The following KCNIP4 variants were observed in gnomAD, a reference collection of about 807,000 sequenced individuals.
KCNIP4 encodes potassium voltage-gated channel interacting protein 4.
Under a neutral mutation model 34.0 loss-of-function variants are expected in KCNIP4, and 12 were observed. The ratio of observed to expected loss-of-function variants is 0.35; its 90% CI spans 0.23 to 0.57. The LOEUF (loss-of-function observed/expected upper bound fraction) is 0.57, where lower values mean the gene tolerates loss of function less well. KCNIP4 is among the 20% of genes least tolerant of loss of function. The probability of loss-of-function intolerance (pLI) is 0.83; values close to 1 mark genes in which losing one functional copy is unlikely to be tolerated. For missense variants in KCNIP4, 238 were observed against 311.7 expected (o/e 0.76, Z 1.78); for synonymous variants, 124 against 102.2 (o/e 1.21, Z -1.29).
intron 1 of KCNIP4, among the ~76,000 whole-genome samples, chr4:21,124,113 T>A (rs1577733532): frequency 6.6e-6 from 1 of 152,248 alleles, no homozygotes; most frequent in Non-Finnish European, 1.5e-5. Flanking sequence ...TTTACATTTT[T>A]AAAAATATAT....
intron 1 of KCNIP4, among the ~76,000 whole-genome samples, chr4:21,229,909 A>C (rs1758673013): frequency 6.6e-6 from 1 of 152,100 alleles, no homozygotes; most frequent in African/African-American, 2.4e-5. Context: ...CATTTAACCA[A>C]CCAGAATTTC....
At chr4:21,590,190 G>A (rs1397521686) in intron 1 of KCNIP4, among the ~76,000 whole-genome samples, 1 of 151,984 alleles carries the variant, frequency 6.6e-6, no homozygotes, top group Non-Finnish European at 1.5e-5. Flanking sequence ...TGAATAGCTA[G>A]GCAGCTGGTG....
intron 1 of KCNIP4, among the ~76,000 whole-genome samples, chr4:21,841,673 G>C (rs1195693604): frequency 2.0e-5 from 3 of 151,984 alleles, no homozygotes; most frequent in Non-Finnish European, 4.4e-5. Flanking sequence ...AAATCTATAG[G>C]TCAAAATCTA....
At chr4:20,737,951 G>A (rs1750057315) in intron 5 of KCNIP4, among the ~76,000 whole-genome samples, 3 of 152,102 alleles carry the variant, frequency 2.0e-5, no homozygotes, top group African/African-American at 7.2e-5. Flanking sequence ...GAGCAACGCA[G>A]CCAGATCCAA....
rs59614946 is a variant in KCNIP4 at position 21,153,515 on chromosome 4, G to GTATATATA, written c.62-270814_62-270807dup. 1.4e-3 allele frequency among the ~76,000 whole-genome samples: 200 copies of GTATATATA among 140,892 alleles called. 1 individual carries two copies. In the East Asian group the frequency reaches 0.015, roughly 11 times the overall value. The allele number at this position is 140,892 out of a possible 152,430, so 92.4% of individuals were successfully genotyped here. A position where few individuals can be genotyped will look rare whatever the true frequency, so the allele number is the denominator to read the frequency against. On this transcript the variant is annotated intron_variant, in intron 1 of 8. Transcript: ENST00000382152. ...TATATTTATATATATATGTGTGTGT[G>GTATATATA]TATATATATATATATATATATATAT... is the stretch of plus-strand genomic sequence containing the variant.
chr4:21,346,392 A>G (rs1178142069), intron 1 of KCNIP4, among the ~76,000 whole-genome samples: 1 of 146,140 alleles, frequency 6.8e-6, no homozygotes. Context: ...TTTAAAATTA[A>G]CCTGGTACTC....
intron 3 of KCNIP4, among the ~76,000 whole-genome samples, chr4:20,837,282 T>C (rs1560502770): frequency 1.3e-5 from 2 of 152,176 alleles, no homozygotes; most frequent in Non-Finnish European, 2.9e-5. Context: ...TCAACACAGA[T>C]TTAAGAGGAC....
chr4:20,958,155 G>A lies in KCNIP4; in HGVS notation c.62-75446C>T, dbSNP rs149582507. On this transcript the variant is annotated intron_variant, in intron 1 of 8. Coordinates refer to ENST00000382152, the MANE Select transcript of KCNIP4 (RefSeq NM_025221.6). ...GCATTCATAGGAAAGTTTCTTATAG[G>A]AAGTGTTATAGAAAGGACTCCTGTG... 7.2e-4 allele frequency among the ~76,000 whole-genome samples: 110 copies of A among 152,284 alleles called. 2 individuals are homozygous for A. The highest frequency in any genetic ancestry group is 2.5e-3 in the African/African-American group (105 of 41,568).
chr4:21,121,579 T>G (rs79951135), intron 1 of KCNIP4, among the ~76,000 whole-genome samples: 2,424 of 152,338 alleles, frequency 0.016, 61 homozygotes, highest in African/African-American at 0.055. Flanking sequence ...AGAACATGTT[T>G]TATTAAAATA....
chr4:21,766,040 C>T (rs1468580609), intron 1 of KCNIP4, among the ~76,000 whole-genome samples: 1 of 152,036 alleles, frequency 6.6e-6, no homozygotes, highest in Non-Finnish European at 1.5e-5. Flanking sequence ...TTTCTCTTCC[C>T]TTGGCTTTTA....
At chr4:20,958,380 A>G (rs1337168591) in intron 1 of KCNIP4, among the ~76,000 whole-genome samples, 1 of 152,206 alleles carries the variant, frequency 6.6e-6, no homozygotes, top group African/African-American at 2.4e-5. Flanking sequence ...CTTCGACCAA[A>G]GTCAAAGGGC....
intron 3 of KCNIP4, among the ~76,000 whole-genome samples, chr4:20,788,287 G>A (rs558801091): frequency 6.6e-6 from 1 of 152,236 alleles, no homozygotes; most frequent in South Asian, 2.1e-4. Flanking sequence ...CAATGAAAAG[G>A]TTATGTTAAA....
At chr4:21,759,313 T>C (rs138487749) in intron 1 of KCNIP4, among the ~76,000 whole-genome samples, 129 of 152,332 alleles carry the variant, frequency 8.5e-4, no homozygotes, top group Non-Finnish European at 1.5e-3. Context: ...ATTTATGCAT[T>C]TCTTAAAATT....
intron 1 of KCNIP4, among the ~76,000 whole-genome samples, chr4:21,248,533 T>C (rs1052627556): frequency 1.4e-4 from 21 of 152,148 alleles, no homozygotes; most frequent in African/African-American, 5.1e-4. Flanking sequence ...AATGCTGCAT[T>C]TTTTTCAGCC....
At chr4:21,370,511 T>C (rs1040380684) in intron 1 of KCNIP4, among the ~76,000 whole-genome samples, 2 of 143,826 alleles carry the variant, frequency 1.4e-5, no homozygotes, top group Admixed American at 1.3e-4. Flanking sequence ...ATACAACATA[T>C]AATAAAGTAT....
intron 3 of KCNIP4, among the ~76,000 whole-genome samples, chr4:20,850,126 A>C (rs7434385): frequency 0.35 from 53,599 of 152,164 alleles, 10,463 homozygotes; most frequent in Admixed American, 0.46. Context: ...TTTAAACTAT[A>C]AAAGTTACAG....
chr4:21,679,328 C>T (rs1018227476), intron 1 of KCNIP4, among the ~76,000 whole-genome samples: 2 of 152,170 alleles, frequency 1.3e-5, no homozygotes, highest in Admixed American at 1.3e-4. Context: ...TCTGACTCCC[C>T]ACTACATGAG....
chr4:21,670,892 G>A (rs184363722), intron 1 of KCNIP4, among the ~76,000 whole-genome samples: 96 of 151,948 alleles, frequency 6.3e-4, no homozygotes, highest in East Asian at 5.6e-3. Flanking sequence ...TCCTGACCTC[G>A]TGATCCGCCC....
intron 1 of KCNIP4, among the ~76,000 whole-genome samples, chr4:21,039,730 T>C (rs1741784451): frequency 6.6e-6 from 1 of 152,164 alleles, no homozygotes; most frequent in Non-Finnish European, 1.5e-5. Context: ...GGGAGTGATC[T>C]TTTGTTTTTT....
Sources: allele counts gnomAD v4.1 joint callset (sites outside exome capture counted in the v4.1 genomes callset), GRCh38; gene constraint gnomAD v4.1.1; transcripts MANE v1.5; gene names NCBI Gene and HGNC (gene_info 2026-07-23, HGNC 2026-07-21).